The following HPSE2 variants were observed in gnomAD, a reference collection of about 807,000 sequenced individuals.
The protein encoded by HPSE2 is heparanase 2 (inactive).
A neutral mutation model predicts 60.5 loss-of-function variants in HPSE2; 38 were observed. That is an observed-to-expected ratio of 0.63 (90% CI 0.48 to 0.82). HPSE2 has a LOEUF of 0.82. Among genes scored for constraint, HPSE2 ranks in the 40% least tolerant of loss-of-function variants. HPSE2 has a pLI of 0.00. For missense variants in HPSE2, 713 were observed against 740.4 expected, an observed-to-expected ratio of 0.96 and a Z score of 0.43; for synonymous variants, 295 against 293.2, an observed-to-expected ratio of 1.01 and a Z score of -0.06.
At position 98,970,861 on chromosome 10, in the gene HPSE2, T is replaced by C. The variant is rs554214591; in HGVS notation, c.610+173377A>G. Among the ~76,000 whole-genome samples, 37 of 152,002 alleles carry C rather than the reference T, an allele frequency of 2.4e-4. No individual in the cohort carries two copies. The South Asian group carries it at 7.3e-3, about 30-fold the overall frequency. ...TGAGGGAAAGGATGAGGCAAAAAAA[T>C]AGGTAATCAGAAGCCAAATCATGTG... On this transcript the variant is annotated intron_variant, in intron 3 of 11. Transcript: ENST00000370552.
chr10:98,942,062 C>T lies in HPSE2; in HGVS notation c.611-198006G>A, dbSNP rs1228490025. On this transcript the variant is annotated intron_variant, in intron 3 of 11. Coordinates refer to ENST00000370552, the MANE Select transcript of HPSE2 (RefSeq NM_021828.5). ...CTGAAACTGGATCCCATCCTTACAC[C>T]TTATACAAAAATTAATTCAAGATGG... is the stretch of plus-strand genomic sequence containing the variant. 4.9e-5 allele frequency among the ~76,000 whole-genome samples: 7 copies of T among 143,178 alleles called. 1 individual carries two copies. Among genetic ancestry groups the T allele is most frequent in the East Asian group, 3.9e-4 (2 of 5,070 alleles). 93.9% of individuals were successfully genotyped at this position (143,178 alleles called of 152,430 possible). A position where few individuals can be genotyped will look rare whatever the true frequency, so the allele number is the denominator to read the frequency against.
chr10:98,857,765 A>C (rs2134762029), intron 3 of HPSE2, among the ~76,000 whole-genome samples: 1 of 152,258 alleles, frequency 6.6e-6, no homozygotes, highest in South Asian at 2.1e-4. Flanking sequence ...AAGACAGTTT[A>C]ATTTGGCATA....
rs369658292 is a variant in HPSE2 at position 98,536,880 on chromosome 10, G to A, written c.1321-46684C>T. Among the ~76,000 whole-genome samples the A allele has an allele frequency of 3.9e-5, 6 of 152,028 alleles. No homozygotes were observed. The East Asian group carries it at 5.8e-4, about 15-fold the overall frequency. On this transcript the variant is annotated intron_variant, in intron 9 of 11. Transcript: ENST00000370552. Reference sequence around the variant, plus strand: ...GTTCTGTTTGGCTGGAGAACAGAGCGCAAGAAGAAGGATGGCACAAGATGG... The same window carrying A: ...GTTCTGTTTGGCTGGAGAACAGAGCACAAGAAGAAGGATGGCACAAGATGG...
intron 9 of HPSE2, among the ~76,000 whole-genome samples, chr10:98,491,563 T>C (rs1941645514): frequency 6.6e-6 from 1 of 152,234 alleles, no homozygotes; most frequent in Non-Finnish European, 1.5e-5. Context: ...ACCTTTTTCT[T>C]ACTGATTTGC....
chr10:99,015,784 G>A (rs372203758), intron 3 of HPSE2, among the ~76,000 whole-genome samples: 2 of 152,006 alleles, frequency 1.3e-5, no homozygotes, highest in African/African-American at 2.4e-5. Flanking sequence ...TAACCTGCAC[G>A]TTGTGCACAT....
chr10:98,568,314 C>G (rs1944403127), intron 9 of HPSE2, among the ~76,000 whole-genome samples: 1 of 152,122 alleles, frequency 6.6e-6, no homozygotes, highest in South Asian at 2.1e-4. Context: ...ATATAACTTG[C>G]AATTGTTAAT....
At chr10:98,946,187 T>C (rs994275641) in intron 3 of HPSE2, among the ~76,000 whole-genome samples, 6 of 152,192 alleles carry the variant, frequency 3.9e-5, no homozygotes, top group African/African-American at 1.4e-4. Flanking sequence ...TTTACGTGCA[T>C]GGCCAGACAT....
chr10:98,655,222 A>T (rs1261530617), intron 6 of HPSE2, among the ~76,000 whole-genome samples: 2 of 150,720 alleles, frequency 1.3e-5, no homozygotes, highest in African/African-American at 4.9e-5. Context: ...TAAGGCTTGG[A>T]GAGTTGGCTT....
At chr10:98,672,357 C>G (rs888167836) in intron 6 of HPSE2, among the ~76,000 whole-genome samples, 1 of 152,216 alleles carries the variant, frequency 6.6e-6, no homozygotes, top group African/African-American at 2.4e-5. Flanking sequence ...CCATGCAACT[C>G]TAGACAATAA....
rs186137816 is a variant in HPSE2 at position 99,176,043 on chromosome 10, G to A, written c.449-31644C>T. ...AGCAGAAGGGCCTCACTGTTAGAAG[G>A]AAAACTAACAAACAGAAAGGAATAG... is the stretch of plus-strand genomic sequence containing the variant. On this transcript the variant is annotated intron_variant, in intron 2 of 11. Coordinates refer to ENST00000370552, the MANE Select transcript of HPSE2 (RefSeq NM_021828.5). Among the ~76,000 whole-genome samples the A allele has an allele frequency of 1.3e-3, 194 of 152,246 alleles. 1 individual carries two copies. Among genetic ancestry groups the A allele is most frequent in the Non-Finnish European group, 2.4e-3 (163 of 68,018 alleles).
intron 5 of HPSE2, among the ~76,000 whole-genome samples, chr10:98,697,210 G>T (rs1948248197): frequency 6.6e-6 from 1 of 152,302 alleles, no homozygotes; most frequent in East Asian, 1.9e-4. Context: ...AAACTCCGCT[G>T]AGCTCAAGGA....
intron 9 of HPSE2, among the ~76,000 whole-genome samples, chr10:98,513,042 G>A (rs1004691455): frequency 3.3e-5 from 5 of 152,138 alleles, no homozygotes; most frequent in African/African-American, 9.7e-5. Flanking sequence ...CAGTTCATAT[G>A]TGTCTTTCCT....
In HPSE2 at chr10:99,185,129, G is replaced by C. The variant is rs917341095; in HGVS notation, c.449-40730C>G. Among the ~76,000 whole-genome samples, 40 of 151,502 alleles carry C rather than the reference G, an allele frequency of 2.6e-4. 1 individual carries two copies. Among genetic ancestry groups the C allele is most frequent in the Admixed American group, 2.4e-3 (36 of 15,190 alleles). On this transcript the variant is annotated intron_variant, in intron 2 of 11. Coordinates refer to ENST00000370552, the MANE Select transcript of HPSE2 (RefSeq NM_021828.5). ...AGCCTGGCCTACATGGTGAAGCCCT[G>C]TCTCGACTAAATATACAAAAAAAAA...
intron 11 of HPSE2, among the ~76,000 whole-genome samples, chr10:98,461,200 A>G (rs1294010614): frequency 6.6e-6 from 1 of 152,222 alleles, no homozygotes; most frequent in Admixed American, 6.5e-5. Context: ...ATTCCCAGAG[A>G]TAAGTGTGTT....
intron 3 of HPSE2, among the ~76,000 whole-genome samples, chr10:99,098,829 C>A (rs1423580767): frequency 6.6e-6 from 1 of 152,106 alleles, no homozygotes; most frequent in African/African-American, 2.4e-5. Flanking sequence ...TAATACTTCA[C>A]CAACAATTTT....
intron 3 of HPSE2, among the ~76,000 whole-genome samples, chr10:98,979,372 G>A (rs1956157817): frequency 6.6e-6 from 1 of 152,096 alleles, no homozygotes; most frequent in African/African-American, 2.4e-5. Context: ...ATGAAAAAGT[G>A]GCTAAATTTG....
intron 3 of HPSE2, among the ~76,000 whole-genome samples, chr10:98,904,799 GA>G (rs1364816112): frequency 6.6e-6 from 1 of 151,794 alleles, no homozygotes; most frequent in Admixed American, 6.6e-5. Context: ...ATAAAGTCAA[GA>G]AAAAAATAAT....
At chr10:98,523,719 T>C (rs766885840) in intron 9 of HPSE2, among the ~76,000 whole-genome samples, 4 of 152,218 alleles carry the variant, frequency 2.6e-5, no homozygotes, top group Admixed American at 1.3e-4. Context: ...GTTTTAAACA[T>C]ATAAGTGGGA....
chr10:99,175,303 C>T (rs926749625), intron 2 of HPSE2, among the ~76,000 whole-genome samples: 1 of 152,120 alleles, frequency 6.6e-6, no homozygotes, highest in Non-Finnish European at 1.5e-5. Flanking sequence ...GGGGCTGAAA[C>T]CAGGGAGCCA....
Sources: gnomAD v4.1 joint callset for allele counts (sites outside exome capture counted in the v4.1 genomes callset) on GRCh38, gnomAD v4.1.1 for gene constraint, MANE v1.5 for transcripts, NCBI Gene and HGNC (gene_info 2026-07-23, HGNC 2026-07-21) for gene names.